Variants in DGKB observed in about 807,000 individuals in gnomAD.
The protein encoded by DGKB is diacylglycerol kinase beta, also known as 90 kDa diacylglycerol kinase.
DGKB carries 67 observed loss-of-function variants against 114.3 expected under a neutral mutation model. That is an observed-to-expected ratio of 0.59 (90% CI 0.48 to 0.72). The LOEUF (loss-of-function observed/expected upper bound fraction) is 0.72. DGKB is among the 30% of genes least tolerant of loss of function. The pLI is 0.00. For synonymous variants in DGKB, 398 were observed against 323.1 expected (o/e 1.23, Z -2.49); for missense variants, 907 against 975.2 (o/e 0.93, Z 0.93).
chr7:14,715,160 G>A (rs1827991256), intron 6 of DGKB, among the ~76,000 whole-genome samples: 3 of 152,128 alleles, frequency 2.0e-5, no homozygotes, highest in Non-Finnish European at 4.4e-5. Context: ...TATAAATCAA[G>A]AGTCAAGGTT....
intron 21 of DGKB, among the ~76,000 whole-genome samples, chr7:14,399,903 T>C (rs541990976): frequency 6.6e-6 from 1 of 151,990 alleles, no homozygotes; most frequent in South Asian, 2.1e-4. Flanking sequence ...TTTTTCTCTT[T>C]TGATAGAAGA....
chr7:14,882,711 T>A (rs1344276304), intron 1 of DGKB, among the ~76,000 whole-genome samples: 1 of 152,034 alleles, frequency 6.6e-6, no homozygotes, highest in African/African-American at 2.4e-5. Flanking sequence ...CATGTCTGGC[T>A]TGTTTTGCTC....
intron 17 of DGKB, among the ~76,000 whole-genome samples, chr7:14,597,799 C>T (rs955384265): frequency 3.3e-5 from 5 of 151,954 alleles, no homozygotes; most frequent in Admixed American, 2.0e-4. Flanking sequence ...ACTACTGAAT[C>T]AGTAGGAGAA....
At chr7:14,440,118 T>C (rs1342098401) in intron 21 of DGKB, among the ~76,000 whole-genome samples, 1 of 152,076 alleles carries the variant, frequency 6.6e-6, no homozygotes. Flanking sequence ...CAGCCCTTCA[T>C]ATTTGTTGGG....
intron 21 of DGKB, among the ~76,000 whole-genome samples, chr7:14,360,885 T>C (rs1277565898): frequency 6.6e-6 from 1 of 152,118 alleles, no homozygotes; most frequent in Non-Finnish European, 1.5e-5. Context: ...TCTTCAGTGG[T>C]ATAGAAGAAT....
chr7:14,674,098 G>A (rs186806614), intron 12 of DGKB, among the ~76,000 whole-genome samples: 6 of 152,056 alleles, frequency 3.9e-5, no homozygotes, highest in Admixed American at 6.6e-5. Flanking sequence ...GTATTTCTGC[G>A]GTCCTAGAAT....
intron 23 of DGKB, among the ~76,000 whole-genome samples, chr7:14,318,353 T>C (rs1422278454): frequency 1.3e-5 from 2 of 151,866 alleles, no homozygotes; most frequent in East Asian, 3.9e-4. Context: ...ACAGGCAACC[T>C]ATAGAATGGG....
At position 14,574,233 on chromosome 7, in the gene DGKB, A is replaced by C; in HGVS notation, c.1749T>G (p.Asn583Lys). 1 of 1,613,126 alleles carries C rather than the reference A, an allele frequency of 6.2e-7. No individual in the cohort carries two copies. The highest frequency in any genetic ancestry group is 8.5e-7 in the Non-Finnish European group (1 of 1,179,492). ...TTACCACGCCAATGGAAAAGTAATT[A>C]TTGATGATACTGTAAGGCACTGGGT... ...KGDPVPYSII[N>K]NYFSIGVDAS... Residue 583 changes from asparagine (N) to lysine (K), a missense_variant, in exon 20 of 26, where the codon AAT (asparagine) becomes AAG (lysine). Asn to Lys is a moderately conservative substitution (Grantham distance 94). This residue lies in a region of DGKB where 814 missense variants were observed against 856.6 expected (regional missense o/e 0.95). Transcript: ENST00000402815.
At chr7:14,161,675 G>A (rs1375522876) in intron 25 of DGKB, among the ~76,000 whole-genome samples, 1 of 151,952 alleles carries the variant, frequency 6.6e-6, no homozygotes, top group African/African-American at 2.4e-5. Flanking sequence ...GGGGGGTGGG[G>A]GGCAAGGGGA....
chr7:14,941,736 A>T (rs1056709241), intron 1 of DGKB, among the ~76,000 whole-genome samples: 2 of 152,030 alleles, frequency 1.3e-5, no homozygotes, highest in Non-Finnish European at 2.9e-5. Flanking sequence ...GATTACACAA[A>T]ATTTTTTAAT....
intron 21 of DGKB, among the ~76,000 whole-genome samples, chr7:14,360,130 G>A (rs1328501841): frequency 1.3e-5 from 2 of 152,166 alleles, no homozygotes; most frequent in South Asian, 2.1e-4. Context: ...ATACTATACA[G>A]CCATAAAAAA....
chr7:14,697,715 GAA>G (rs781705227), intron 8 of DGKB, among the ~76,000 whole-genome samples: 3 of 131,858 alleles, frequency 2.3e-5, no homozygotes, highest in Admixed American at 8.0e-5. Context: ...AGGAAAGAAA[GAA>G]AAGGAAGGAA....
intron 23 of DGKB, among the ~76,000 whole-genome samples, chr7:14,186,886 C>T (rs111920518): frequency 1.2e-3 from 184 of 151,924 alleles, no homozygotes; most frequent in African/African-American, 4.0e-3. Context: ...TGGAGAGGGG[C>T]GAGGGATAAA....
chr7:14,437,724 G>A (rs897913126), intron 21 of DGKB, among the ~76,000 whole-genome samples: 3 of 150,748 alleles, frequency 2.0e-5, no homozygotes, highest in African/African-American at 7.3e-5. Context: ...AACAATTTAT[G>A]ATATAATTTT....
chr7:14,437,485 TA>T (rs1829448389), intron 21 of DGKB, among the ~76,000 whole-genome samples: 1 of 152,036 alleles, frequency 6.6e-6, no homozygotes, highest in South Asian at 2.1e-4. Flanking sequence ...GCTCCACTCT[TA>T]AAAGTATGCT....
chr7:14,700,321 C>T (rs1824930137), intron 7 of DGKB, among the ~76,000 whole-genome samples: 1 of 150,858 alleles, frequency 6.6e-6, no homozygotes, highest in Non-Finnish European at 1.5e-5. Context: ...TCAAGCGGTT[C>T]TCCTGCCTCA....
chr7:14,616,374 T>G (rs1389679566), intron 15 of DGKB, among the ~76,000 whole-genome samples: 1 of 151,536 alleles, frequency 6.6e-6, no homozygotes, highest in Non-Finnish European at 1.5e-5. Flanking sequence ...ACCAACGTTA[T>G]ATTCAAGCTT....
At chr7:14,772,649 T>C (rs1028365779) in intron 2 of DGKB, among the ~76,000 whole-genome samples, 1 of 152,206 alleles carries the variant, frequency 6.6e-6, no homozygotes, top group Non-Finnish European at 1.5e-5. Context: ...ACACTCTTCC[T>C]ATCATCTGTT....
intron 21 of DGKB, among the ~76,000 whole-genome samples, chr7:14,435,858 G>A (rs1350141153): frequency 6.6e-6 from 1 of 152,030 alleles, no homozygotes; most frequent in Non-Finnish European, 1.5e-5. Context: ...TATGTTCTGA[G>A]CTTCCAACAA....
Sources: allele counts gnomAD v4.1 joint callset (sites outside exome capture counted in the v4.1 genomes callset), GRCh38; gene constraint gnomAD v4.1.1; regional missense constraint gnomAD v4.1.1; transcripts MANE v1.5; gene names NCBI Gene and HGNC (gene_info 2026-07-23, HGNC 2026-07-21).